The following STAC3 variants were observed in gnomAD, a reference collection of about 807,000 sequenced individuals.
The protein encoded by STAC3 is SH3 and cysteine rich domain 3, also known as SH3 and cysteine-rich domain-containing protein 3.
Under a neutral mutation model 48.5 loss-of-function variants are expected in STAC3, and 30 were observed. The observed-to-expected ratio is 0.62, with a 90% confidence interval of 0.46 to 0.84. The LOEUF (loss-of-function observed/expected upper bound fraction) is 0.84. Among genes scored for constraint, STAC3 ranks in the 40% least tolerant of loss-of-function variants. The probability of loss-of-function intolerance (pLI) is 0.00; values close to 1 mark genes in which losing one functional copy is unlikely to be tolerated. For synonymous variants in STAC3, 144 were observed against 158.6 expected (o/e 0.91, Z 0.69); for missense variants, 419 against 462.6 (o/e 0.91, Z 0.86).
chr12:57,249,006 A>G (rs766799893), intron 3 of STAC3, 35 bp downstream of exon 3: 18 of 1,564,920 alleles, frequency 1.2e-5, no homozygotes, highest in Non-Finnish European at 1.6e-5. Context: ...TCTGCCTTCA[A>G]TATCATACTC....
At chr12:57,248,678 C>A in intron 4 of STAC3, 28 bp downstream of exon 4, 1 of 1,582,462 alleles carries the variant, frequency 6.3e-7, no homozygotes, top group Non-Finnish European at 8.6e-7. Context: ...TGGCCATGTC[C>A]CCTCCTTGCT....
Position 57,249,190 on chromosome 12 carries a change from T to C in STAC3, c.185A>G (p.Tyr62Cys). 6.2e-7 allele frequency: 1 copy of C among 1,614,078 alleles called. No individual in the cohort carries two copies. The highest frequency in any genetic ancestry group is 8.5e-7 in the Non-Finnish European group (1 of 1,180,010). Residue 62 changes from tyrosine to cysteine, a missense_variant, in exon 3 of 12, where the codon TAC becomes TGC. By Grantham distance (194) the Tyr-to-Cys change is radical (BLOSUM62 -2). Coordinates refer to ENST00000332782, the MANE Select transcript of STAC3 (RefSeq NM_145064.3). ...TTCCTCTTCCTCTTCCTCATAGATG[T>C]AGTAGATGGGCCCACCCCCAGCTCC... ...AVGAGGGPIY[Y>C]IYEEEEEEEE... is the part of the protein sequence containing the mutation.
At chr12:57,245,721 CT>C (rs1222247342) in intron 6 of STAC3, among the ~76,000 whole-genome samples, 2 of 152,104 alleles carry the variant, frequency 1.3e-5, no homozygotes, top group African/African-American at 4.8e-5. Flanking sequence ...CCACATTCTG[CT>C]TGAATGTAGC....
chr12:57,250,246 C>T (rs2037869156), intron 1 of STAC3, among the ~76,000 whole-genome samples: 1 of 151,954 alleles, frequency 6.6e-6, no homozygotes, highest in Admixed American at 6.5e-5. Flanking sequence ...AAAAATTAGC[C>T]GGGTGTGGTG....
intron 6 of STAC3, 62 bp downstream of exon 6, chr12:57,246,741 TG>T (rs973448369): frequency 1.4e-6 from 2 of 1,470,128 alleles, no homozygotes; most frequent in Non-Finnish European, 1.9e-6. Context: ...GCTTTCCAAA[TG>T]GGAAAATGAC....
At position 57,248,707 on chromosome 12, in the gene STAC3, A is replaced by G. The variant is rs1421071233; in HGVS notation, c.431T>C (p.Ile144Thr). 1 of 1,613,506 alleles carries G rather than the reference A, an allele frequency of 6.2e-7. No homozygotes were observed. Among genetic ancestry groups the G allele is most frequent in the Non-Finnish European group, 8.5e-7 (1 of 1,179,556 alleles). The change falls in exon 4 of 12, where the codon ATC (isoleucine) becomes ACC (threonine). Residue 144 changes from isoleucine to threonine, a missense_variant and splice_region_variant. Transcript: ENST00000332782. ...YVEMQRCFGK[I>T]PPGFHRAYSS... ...CCTTGCTCTCCACAGCCTACTCACGATCTTGCCGAAGCATCTCTGCATTTC... is the reference window on the plus strand; with the variant it reads ...CCTTGCTCTCCACAGCCTACTCACGGTCTTGCCGAAGCATCTCTGCATTTC...
chr12:57,245,530 C>T (rs1324092567), intron 6 of STAC3, among the ~76,000 whole-genome samples: 1 of 152,020 alleles, frequency 6.6e-6, no homozygotes, highest in Non-Finnish European at 1.5e-5. Context: ...GCCACCACGC[C>T]CGGCTAATTT....
intron 1 of STAC3, among the ~76,000 whole-genome samples, chr12:57,250,525 C>T (rs762122900): frequency 6.6e-6 from 1 of 151,832 alleles, no homozygotes; most frequent in Non-Finnish European, 1.5e-5. Flanking sequence ...TTCAAAGCTG[C>T]GTGGTTTACG....
At chr12:57,249,739 G>C in intron 1 of STAC3, 102 bp from the exon 2 acceptor site, 1 of 1,237,450 alleles carries the variant, frequency 8.1e-7, no homozygotes, top group Admixed American at 1.9e-5. Context: ...GGCTTTCGGA[G>C]AAATGTGATG....
At position 57,249,092 on chromosome 12, in the gene STAC3, G is replaced by A. The variant is rs774769183; in HGVS notation, c.283C>T (p.His95Tyr). ...CAGAACTTTGGCTTCTTGAAGAAGTGATCTTTGAATTTGTGGGGCTTATCG... is the reference window on the plus strand; with the variant it reads ...CAGAACTTTGGCTTCTTGAAGAAGTAATCTTTGAATTTGTGGGGCTTATCG... ...VNDKPHKFKD[H>Y]FFKKPKFCDV... Residue 95 changes from histidine (H) to tyrosine (Y), a missense_variant, in exon 3 of 12, where the codon CAC becomes TAC. His to Tyr is a moderately conservative substitution (Grantham distance 83, BLOSUM62 2). Coordinates refer to ENST00000332782, the MANE Select transcript of STAC3 (RefSeq NM_145064.3). 1 of 1,611,476 alleles carries A rather than the reference G, an allele frequency of 6.2e-7. No individual in the cohort carries two copies. Among genetic ancestry groups the A allele is most frequent in the Admixed American group, 1.7e-5 (1 of 59,594 alleles).
intron 4 of STAC3, 85 bp downstream of exon 4, chr12:57,248,621 C>T: frequency 9.3e-7 from 1 of 1,071,170 alleles, no homozygotes; most frequent in Non-Finnish European, 1.4e-6. Context: ...GATCCGCCCA[C>T]CTCAGCCTCC....
intron 6 of STAC3, 75 bp downstream of exon 6, chr12:57,246,729 C>T (rs1028564070): frequency 2.2e-5 from 30 of 1,381,386 alleles, no homozygotes; most frequent in Admixed American, 3.4e-5. Context: ...TTACTTCTGT[C>T]AGCTTTCCAA....
intron 5 of STAC3, 88 bp downstream of exon 5, chr12:57,248,038 G>T: frequency 8.3e-7 from 1 of 1,200,210 alleles, no homozygotes; most frequent in Non-Finnish European, 1.2e-6. Context: ...GAAAGTTTCT[G>T]TTTCAGAATT....
chr12:57,245,082 C>G, intron 7 of STAC3, 63 bp downstream of exon 7: 4 of 1,607,898 alleles, frequency 2.5e-6, no homozygotes, highest in Non-Finnish European at 3.4e-6. Flanking sequence ...CTCCTCCACC[C>G]TCTGTTCCAC....
rs750254286 is a variant in STAC3 at position 57,249,032 on chromosome 12, A to G, written c.334+9T>C. Reference sequence around the variant, plus strand: ...TATCATACTCTCTTCACTTCCCTTCATGACTCACGAACAATCATCCGGGCA... The same window carrying G: ...TATCATACTCTCTTCACTTCCCTTCGTGACTCACGAACAATCATCCGGGCA... On this transcript the variant is annotated intron_variant, in intron 3 of 11. Coordinates refer to ENST00000332782, the MANE Select transcript of STAC3 (RefSeq NM_145064.3). The G allele has an allele frequency of 5.7e-6, 9 of 1,580,424 alleles. No homozygotes were observed. The highest frequency in any genetic ancestry group is 6.9e-6 in the Non-Finnish European group (8 of 1,162,182).
chr12:57,247,219 A>C (rs959109097), intron 5 of STAC3, among the ~76,000 whole-genome samples: 6 of 152,040 alleles, frequency 3.9e-5, no homozygotes, highest in Admixed American at 3.3e-4. Context: ...CAGAATCACT[A>C]TTCTCCTTCT....
Position 57,248,807 on chromosome 12 carries a change from G to A in STAC3, c.335-4C>T, listed in dbSNP as rs753637212. ...CGAAGCCCAAACTTGTTGTTGACTTGGGAAAGGGGGAGAAAATTCAGATAA... is the reference window on the plus strand; with the variant it reads ...CGAAGCCCAAACTTGTTGTTGACTTAGGAAAGGGGGAGAAAATTCAGATAA... On this transcript the variant is annotated splice_polypyrimidine_tract_variant and splice_region_variant and intron_variant, in intron 3 of 11. Coordinates refer to ENST00000332782, the MANE Select transcript of STAC3 (RefSeq NM_145064.3). 1 of 1,612,040 alleles carries A rather than the reference G, an allele frequency of 6.2e-7. No homozygotes were observed. Among genetic ancestry groups the A allele is most frequent in the South Asian group, 1.1e-5 (1 of 90,964 alleles).
intron 1 of STAC3, 86 bp downstream of exon 1, chr12:57,250,907 G>A (rs1448856746): frequency 1.8e-5 from 3 of 162,726 alleles, no homozygotes; most frequent in Non-Finnish European, 3.9e-5. Flanking sequence ...CAGACAAGGA[G>A]AGAAATGAAG....
At position 57,248,148 on chromosome 12, in the gene STAC3, C is replaced by T. The variant is rs2037799474; in HGVS notation, c.483G>A (p.Gln161=). ...AYSSPLYSNQ[Q]YACVKDLSAA... is the part of the protein sequence containing the mutation. ...TACAGAGATCTTTGACACAAGCGTA[C>T]TGCTGGTTGCTGTAGAGTGGGGAAC... The change falls in exon 5 of 12, where the codon CAG becomes CAA. Residue 161 remains glutamine, a synonymous_variant. Transcript: ENST00000332782. 1.9e-6 allele frequency: 3 copies of T among 1,613,948 alleles called. No individual in the cohort carries two copies. The highest frequency in any genetic ancestry group is 1.7e-5 in the Admixed American group (1 of 59,992).
Sources: allele counts gnomAD v4.1 joint callset (sites outside exome capture counted in the v4.1 genomes callset), GRCh38; gene constraint gnomAD v4.1.1; transcripts MANE v1.5; gene names NCBI Gene and HGNC (gene_info 2026-07-23, HGNC 2026-07-21).